Variants in UBAP2L observed in about 807,000 individuals in gnomAD.
The protein encoded by UBAP2L is ubiquitin-associated protein 2-like.
Under a neutral mutation model 130.6 loss-of-function variants are expected in UBAP2L, and 12 were observed. The ratio of observed to expected loss-of-function variants is 0.09; its 90% CI spans 0.06 to 0.15. UBAP2L has a LOEUF of 0.15. Among genes scored for constraint, UBAP2L ranks in the 10% least tolerant of loss-of-function variants. The probability of loss-of-function intolerance (pLI) is 1.00; values close to 1 mark genes in which losing one functional copy is unlikely to be tolerated. For synonymous variants in UBAP2L, 503 were observed against 524.7 expected, an observed-to-expected ratio of 0.96 and a Z score of 0.57; for missense variants, 965 against 1,332.5, an observed-to-expected ratio of 0.72 and a Z score of 4.29.
chr1:154,266,628 C>G (rs1683311675), intron 25 of UBAP2L, 60 bp downstream of exon 25: 3 of 1,548,410 alleles, frequency 1.9e-6, no homozygotes, highest in Non-Finnish European at 2.7e-6. Flanking sequence ...GGTGGAGTTG[C>G]AATGGTAGAA....
At chr1:154,240,943 C>G (rs185706479) in intron 8 of UBAP2L, among the ~76,000 whole-genome samples, 113 of 117,050 alleles carry the variant, frequency 9.7e-4, no homozygotes, top group African/African-American at 3.2e-3. Context: ...TGTCCCCCCC[C>G]CCACCCCCAT....
Position 154,238,621 on chromosome 1 carries a change from G to A in UBAP2L, c.703+1485G>A, listed in dbSNP as rs569161800. On this transcript the variant is annotated intron_variant, in intron 8 of 26. Transcript: ENST00000428931. The stretch of plus-strand genomic sequence containing the variant: ...CTACTGAGTAGAAAAGGGAGCAGAT[G>A]TGCAAGGCTGGAATTGGAAATCTGA... Among the ~76,000 whole-genome samples the A allele has an allele frequency of 5.3e-5, 8 of 152,324 alleles. No individual in the cohort carries two copies. The South Asian group carries it at 1.7e-3, about 32-fold the overall frequency.
intron 22 of UBAP2L, among the ~76,000 whole-genome samples, 193 bp downstream of exon 22, chr1:154,260,222 T>C (rs978417885): frequency 6.6e-6 from 1 of 152,164 alleles, no homozygotes; most frequent in East Asian, 1.9e-4. Flanking sequence ...CTAGATGATA[T>C]CTTAGCCAGG....
At chr1:154,223,084 CT>C (rs1666810456) in intron 1 of UBAP2L, among the ~76,000 whole-genome samples, 1 of 151,680 alleles carries the variant, frequency 6.6e-6, no homozygotes, top group African/African-American at 2.4e-5. Context: ...AGATCACTTA[CT>C]TTTGACCTGT....
upstream of UBAP2L, chr1:154,220,304 G>A (rs753532276): frequency 6.2e-7 from 1 of 1,611,410 alleles, no homozygotes; most frequent in Non-Finnish European, 8.5e-7. Flanking sequence ...TACTGGGTAA[G>A]ATGCGACAGC....
chr1:154,271,041 A>T (rs1266410185), downstream of UBAP2L: 6 of 1,238,058 alleles, frequency 4.8e-6, no homozygotes, highest in Non-Finnish European at 6.7e-6. Flanking sequence ...CCTTGAGGGG[A>T]TTTCCTTCCC....
At chr1:154,269,521 C>A in intron 26 of UBAP2L, 1 of 813,690 alleles carries the variant, frequency 1.2e-6, no homozygotes. Context: ...AATCGGGATA[C>A]ACAAACACAA....
Position 154,246,272 on chromosome 1 carries a change from C to T in UBAP2L, c.911C>T (p.Pro304Leu), listed in dbSNP as rs762626219. The T allele has an allele frequency of 9.9e-6, 16 of 1,613,780 alleles. No homozygotes were observed. The highest frequency in any genetic ancestry group is 1.7e-5 in the Admixed American group (1 of 60,010). Reference protein sequence around the residue: ...TMENDSSNLDPSQAPSLAQPL... With the variant: ...TMENDSSNLDLSQAPSLAQPL... Reference sequence around the variant, plus strand: ...GAGAATGATTCATCTAATCTGGATCCGTCTCAGGCTCCTTCTCTGGCCCAG... The same window carrying T: ...GAGAATGATTCATCTAATCTGGATCTGTCTCAGGCTCCTTCTCTGGCCCAG... Residue 304 changes from proline to leucine, a missense_variant, in exon 11 of 27, where the codon CCG becomes CTG. By Grantham distance (98) the Pro-to-Leu change is moderately conservative. Coordinates refer to ENST00000428931, the MANE Select transcript of UBAP2L (RefSeq NM_014847.4).
At chr1:154,267,794 C>T (rs1683724076) in intron 25 of UBAP2L, among the ~76,000 whole-genome samples, 1 of 150,020 alleles carries the variant, frequency 6.7e-6, no homozygotes, top group Non-Finnish European at 1.5e-5. Flanking sequence ...CATGCCCAGC[C>T]TGGAGTTCTA....
upstream of UBAP2L, chr1:154,220,240 C>A: frequency 1.4e-6 from 2 of 1,396,230 alleles, no homozygotes; most frequent in Non-Finnish European, 2.0e-6. Flanking sequence ...CCCGGATAGG[C>A]GCAGGTGAGT....
chr1:154,228,273 C>T (rs1313752797), intron 3 of UBAP2L, among the ~76,000 whole-genome samples: 2 of 151,814 alleles, frequency 1.3e-5, no homozygotes, highest in African/African-American at 2.4e-5. Context: ...CTGCAACCTC[C>T]GCCTCCTGGG....
At chr1:154,265,073 T>G (rs976123335) in intron 24 of UBAP2L, among the ~76,000 whole-genome samples, 1 of 152,218 alleles carries the variant, frequency 6.6e-6, no homozygotes, top group Non-Finnish European at 1.5e-5. Flanking sequence ...AGGAAGTATT[T>G]TCTCTTGCTT....
At chr1:154,233,086 T>G (rs1337668439) in intron 4 of UBAP2L, among the ~76,000 whole-genome samples, 1 of 152,000 alleles carries the variant, frequency 6.6e-6, no homozygotes, top group Non-Finnish European at 1.5e-5. Flanking sequence ...GGATCTCAGC[T>G]TACTGCAACC....
In UBAP2L at chr1:154,233,354, C is replaced by T. The variant is rs944059682; in HGVS notation, c.280-1237C>T. Among the ~76,000 whole-genome samples the T allele has an allele frequency of 7.4e-5, 11 of 149,374 alleles. No individual in the cohort carries two copies. In the South Asian group the frequency reaches 2.3e-3, roughly 32 times the overall value. ...TTTTTCTTTGAGATGGAACCTTGCT[C>T]TGTGGCCCAGGCTAGAGTGCAGTGG... On this transcript the variant is annotated intron_variant, in intron 4 of 26. Transcript: ENST00000428931.
chr1:154,236,477 A>C (rs934901873), intron 6 of UBAP2L, 89 bp from the exon 7 acceptor site: 10 of 1,404,134 alleles, frequency 7.1e-6, no homozygotes, highest in Non-Finnish European at 1.0e-5. Context: ...TGGGATTACC[A>C]CCGGGAGCCA....
At chr1:154,224,571 T>G (rs1236054892) in intron 1 of UBAP2L, among the ~76,000 whole-genome samples, 1 of 152,238 alleles carries the variant, frequency 6.6e-6, no homozygotes, top group Non-Finnish European at 1.5e-5. Context: ...CTTGAACTTG[T>G]CCTTTCCCAA....
intron 11 of UBAP2L, among the ~76,000 whole-genome samples, chr1:154,247,139 C>T (rs1403682419): frequency 2.0e-5 from 3 of 152,092 alleles, no homozygotes; most frequent in African/African-American, 7.2e-5. Context: ...TGGAGGGATA[C>T]TAAAGTTGTA....
chr1:154,236,414 G>A, intron 6 of UBAP2L, 152 bp from the exon 7 acceptor site: 2 of 755,904 alleles, frequency 2.6e-6, no homozygotes, highest in Non-Finnish European at 4.5e-6. Flanking sequence ...GCCTAGGCTG[G>A]TCTCGAACTT....
chr1:154,237,235 G>A (rs1671979070), intron 8 of UBAP2L, 99 bp downstream of exon 8: 10 of 1,133,768 alleles, frequency 8.8e-6, no homozygotes, highest in Non-Finnish European at 1.3e-5. Context: ...ATAGTGTTTG[G>A]TTATGGAGAT....
Sources: allele counts gnomAD v4.1 joint callset (sites outside exome capture counted in the v4.1 genomes callset), GRCh38; gene constraint gnomAD v4.1.1; transcripts MANE v1.5; gene names NCBI Gene and HGNC (gene_info 2026-07-23, HGNC 2026-07-21).